The following PLXDC1 variants were observed in gnomAD, a reference collection of about 807,000 sequenced individuals.
PLXDC1 encodes the protein plexin domain-containing protein 1.
A neutral mutation model predicts 61.3 loss-of-function variants in PLXDC1; 39 were observed. The observed-to-expected ratio is 0.64, with a 90% CI of 0.49 to 0.83. PLXDC1 has a LOEUF of 0.83. Among genes scored for constraint, PLXDC1 ranks in the 40% least tolerant of loss-of-function variants. The pLI, the probability that PLXDC1 is intolerant of heterozygous loss-of-function variation, is 0.00. For missense variants in PLXDC1, 596 were observed against 666.5 expected (o/e 0.89, Z 1.17); for synonymous variants, 212 against 254.5 (o/e 0.83, Z 1.59).
intron 2 of PLXDC1, among the ~76,000 whole-genome samples, chr17:39,117,465 C>A (rs543699716): frequency 6.6e-6 from 1 of 152,146 alleles, no homozygotes; most frequent in South Asian, 2.1e-4. Flanking sequence ...TGAACCAGTA[C>A]TCTCAAAAGA....
chr17:39,078,084 T>G, intron 10 of PLXDC1, 36 bp from the exon 11 acceptor site: 1 of 1,526,382 alleles, frequency 6.6e-7, no homozygotes, highest in South Asian at 1.3e-5. Context: ...CTTGAATGCA[T>G]TTACACCTTT....
Position 39,103,214 on chromosome 17 carries a change from CAA to C in PLXDC1, c.811+2638_811+2639del, listed in dbSNP as rs11299109. On this transcript the variant is annotated intron_variant, in intron 7 of 13. Transcript: ENST00000315392. Reference sequence around the variant, plus strand: ...TGGGCGACACAGCGAGACTCCGTCTCAAAAAAAAAAAAAAGACATGCATTACT... The same window carrying C: ...TGGGCGACACAGCGAGACTCCGTCTCAAAAAAAAAAAAGACATGCATTACT... 3.4e-3 allele frequency among the ~76,000 whole-genome samples: 440 copies of C among 128,822 alleles called. 1 individual carries two copies. Among genetic ancestry groups the C allele is most frequent in the African/African-American group, 0.011 (385 of 33,854 alleles). 84.5% of individuals were successfully genotyped at this position (128,822 alleles called of 152,430 possible). A position where few individuals can be genotyped will look rare whatever the true frequency, so the allele number is the denominator to read the frequency against.
intron 2 of PLXDC1, among the ~76,000 whole-genome samples, chr17:39,128,105 A>ATATATATGTG (rs1911385417): frequency 1.2e-5 from 1 of 81,792 alleles, no homozygotes; most frequent in African/African-American, 5.3e-5. Flanking sequence ...GTGTATATAT[A>ATATATATGTG]TATATATATG....
chr17:39,116,856 C>T (rs568496960), intron 2 of PLXDC1, among the ~76,000 whole-genome samples: 17 of 152,318 alleles, frequency 1.1e-4, no homozygotes, highest in African/African-American at 3.8e-4. Flanking sequence ...GCTTCCTTGT[C>T]GGGTTCAAAA....
intron 2 of PLXDC1, among the ~76,000 whole-genome samples, chr17:39,115,035 G>A (rs759203151): frequency 2.0e-5 from 3 of 152,200 alleles, no homozygotes; most frequent in East Asian, 1.9e-4. Flanking sequence ...TTCCTGGCCC[G>A]TTGCTCGGAG....
chr17:39,094,783 C>T (rs577751103), intron 7 of PLXDC1, among the ~76,000 whole-genome samples: 1 of 152,312 alleles, frequency 6.6e-6, no homozygotes, highest in Admixed American at 6.5e-5. Flanking sequence ...GCACGCCCTC[C>T]CTCCCCAGCC....
intron 7 of PLXDC1, among the ~76,000 whole-genome samples, chr17:39,102,986 G>A (rs1035807226): frequency 1.3e-5 from 2 of 152,176 alleles, no homozygotes; most frequent in Non-Finnish European, 2.9e-5. Context: ...GGAGGCCAAG[G>A]AGGGTGGATC....
rs529909400 is a variant in PLXDC1 at position 39,090,906 on chromosome 17, G to A, written c.812-3204C>T. ...CCCTCTGTCTCTCTCTCTCTAGGAC[G>A]GCATATTTCTTGTCAGCAAGTCTGA... On this transcript the variant is annotated intron_variant, in intron 7 of 13. Transcript: ENST00000315392. Among the ~76,000 whole-genome samples, 45 of 152,076 alleles carry A rather than the reference G, an allele frequency of 3.0e-4. 1 individual carries two copies. Among genetic ancestry groups the A allele is most frequent in the Admixed American group, 1.7e-3 (26 of 15,284 alleles).
chr17:39,114,884 C>A (rs1428384608), intron 2 of PLXDC1, among the ~76,000 whole-genome samples: 1 of 152,212 alleles, frequency 6.6e-6, no homozygotes, highest in African/African-American at 2.4e-5. Flanking sequence ...ACAGCGAGAG[C>A]TTTCCCCAAA....
chr17:39,095,373 C>CACCCCA (rs1910130429), intron 7 of PLXDC1, among the ~76,000 whole-genome samples: 2 of 7,346 alleles, frequency 2.7e-4, no homozygotes, highest in African/African-American at 5.1e-4. Flanking sequence ...CCCCGCCCCC[C>CACCCCA]CCCCCCAACC....
chr17:39,135,677 A>C (rs1673850), intron 2 of PLXDC1, among the ~76,000 whole-genome samples: 20,377 of 116,072 alleles, frequency 0.18, 2,543 homozygotes, highest in African/African-American at 0.43. Context: ...CACTCCGTCT[A>C]AAAAAAAAAA....
intron 7 of PLXDC1, among the ~76,000 whole-genome samples, chr17:39,094,832 A>G (rs527464995): frequency 2.0e-5 from 3 of 152,322 alleles, no homozygotes; most frequent in Admixed American, 2.0e-4. Context: ...GACAACCCTG[A>G]AAGACCACAG....
chr17:39,070,957 G>A (rs1401334147), intron 12 of PLXDC1, among the ~76,000 whole-genome samples: 6 of 152,200 alleles, frequency 3.9e-5, no homozygotes, highest in African/African-American at 1.2e-4. Flanking sequence ...CAGCATGGGC[G>A]ATAGAGTGAG....
Position 39,135,824 on chromosome 17 carries a change from G to C in PLXDC1, c.255+3830C>G, listed in dbSNP as rs375250933. ...CAAAATCCATTGCCCCAGTGTTTCT[G>C]AACCAGTCCATCCAGGGTGGAGCCT... is the stretch of plus-strand genomic sequence containing the variant. On this transcript the variant is annotated intron_variant, in intron 2 of 13. Coordinates refer to ENST00000315392, the MANE Select transcript of PLXDC1 (RefSeq NM_020405.5). 1.1e-4 allele frequency among the ~76,000 whole-genome samples: 16 copies of C among 152,216 alleles called. No homozygotes were observed. The East Asian group carries it at 1.9e-3, about 18-fold the overall frequency.
intron 2 of PLXDC1, among the ~76,000 whole-genome samples, chr17:39,138,047 C>T (rs1186219833): frequency 1.3e-5 from 2 of 152,178 alleles, no homozygotes; most frequent in African/African-American, 4.8e-5. Context: ...ATCCTCCAGC[C>T]TTAGCCTCCC....
At chr17:39,070,239 GC>G in intron 12 of PLXDC1, 1 of 448,626 alleles carries the variant, frequency 2.2e-6, no homozygotes, top group Non-Finnish European at 4.0e-6. Context: ...TGTAAAAGTT[GC>G]CCCAAATGTC....
intron 1 of PLXDC1, among the ~76,000 whole-genome samples, chr17:39,150,914 C>A (rs544911641): frequency 3.4e-4 from 52 of 152,338 alleles, no homozygotes; most frequent in African/African-American, 1.1e-3. Flanking sequence ...CTGCTCCCAC[C>A]TATCCCTAGC....
intron 2 of PLXDC1, chr17:39,112,048 A>ATC (rs1157208002): frequency 6.6e-6 from 1 of 151,898 alleles, no homozygotes; most frequent in Non-Finnish European, 1.5e-5. Context: ...ATTTCCACCC[A>ATC]TCTCTGCTGG....
chr17:39,114,253 A>G (rs1406513241), intron 2 of PLXDC1, among the ~76,000 whole-genome samples: 1 of 152,066 alleles, frequency 6.6e-6, no homozygotes, highest in Admixed American at 6.6e-5. Flanking sequence ...TCTGGCCCCA[A>G]CTCAGCACCT....
Sources: allele counts gnomAD v4.1 joint callset (sites outside exome capture counted in the v4.1 genomes callset), GRCh38; gene constraint gnomAD v4.1.1; transcripts MANE v1.5; gene names NCBI Gene and HGNC (gene_info 2026-07-23, HGNC 2026-07-21).